FAM210A: variants seen among roughly 807,000 people sequenced by gnomAD.
FAM210A encodes the protein family with sequence similarity 210 member A.
FAM210A carries 13 observed loss-of-function variants against 25.3 expected under a neutral mutation model. The ratio of observed to expected loss-of-function variants is 0.51; its 90% CI spans 0.33 to 0.82. FAM210A has a LOEUF of 0.82. FAM210A is among the 40% of genes least tolerant of loss of function. The probability of loss-of-function intolerance (pLI) is 0.02; values close to 1 mark genes in which losing one functional copy is unlikely to be tolerated. For missense variants in FAM210A, 319 were observed against 323.2 expected (o/e 0.99, Z 0.10); for synonymous variants, 125 against 118.7 (o/e 1.05, Z -0.35).
intron 2 of FAM210A, 122 bp from the exon 3 acceptor site, chr18:13,672,095 A>G (rs893836159): frequency 9.5e-6 from 6 of 628,688 alleles, no homozygotes; most frequent in African/African-American, 9.2e-5. Flanking sequence ...TTGATTCTAC[A>G]TTATCAAGCA....
intron 1 of FAM210A, among the ~76,000 whole-genome samples, chr18:13,698,604 G>A (rs1311342232): frequency 2.0e-5 from 3 of 151,920 alleles, no homozygotes; most frequent in Non-Finnish European, 2.9e-5. Flanking sequence ...GAAACATTCC[G>A]CAGGGGTTCA....
At chr18:13,693,695 C>T (rs915469852) in intron 1 of FAM210A, among the ~76,000 whole-genome samples, 1 of 152,174 alleles carries the variant, frequency 6.6e-6, no homozygotes, top group African/African-American at 2.4e-5. Flanking sequence ...AATTCAACAG[C>T]CCTTCATGCT....
chr18:13,679,819 A>G (rs1016234706), intron 2 of FAM210A, among the ~76,000 whole-genome samples: 15 of 152,214 alleles, frequency 9.9e-5, no homozygotes, highest in African/African-American at 3.6e-4. Flanking sequence ...GGGATGACAG[A>G]GCATCACCCA....
intron 1 of FAM210A, among the ~76,000 whole-genome samples, chr18:13,714,312 G>A (rs1167034669): frequency 6.6e-6 from 1 of 152,168 alleles, no homozygotes; most frequent in Non-Finnish European, 1.5e-5. Context: ...GTCAGTTGAA[G>A]GCTGCAGGAT....
chr18:13,721,475 C>T (rs1406821105), intron 1 of FAM210A, among the ~76,000 whole-genome samples: 1 of 152,164 alleles, frequency 6.6e-6, no homozygotes, highest in African/African-American at 2.4e-5. Flanking sequence ...CAGGAATCAT[C>T]ACCCCTGCAT....
intron 1 of FAM210A, among the ~76,000 whole-genome samples, chr18:13,724,998 T>A (rs534734944): frequency 4.5e-4 from 69 of 152,282 alleles, no homozygotes; most frequent in Non-Finnish European, 8.5e-4. Context: ...GGTCTCAAAC[T>A]CCTGACCTCG....
chr18:13,701,106 T>C (rs546606670), intron 1 of FAM210A, among the ~76,000 whole-genome samples: 62 of 152,294 alleles, frequency 4.1e-4, no homozygotes, highest in Non-Finnish European at 6.3e-4. Flanking sequence ...GTGTCAGAAG[T>C]GGGATCTGAA....
intron 1 of FAM210A, among the ~76,000 whole-genome samples, chr18:13,708,264 T>C (rs2043795291): frequency 6.6e-6 from 1 of 152,334 alleles, no homozygotes; most frequent in African/African-American, 2.4e-5. Context: ...ATGGAAGAGA[T>C]GCAGAGGGTA....
intron 1 of FAM210A, among the ~76,000 whole-genome samples, chr18:13,692,624 G>A (rs984614940): frequency 1.5e-4 from 23 of 152,176 alleles, no homozygotes; most frequent in African/African-American, 5.1e-4. Flanking sequence ...TCAACTACAC[G>A]GACAACTTGC....
chr18:13,715,935 G>A (rs1439256351), intron 1 of FAM210A, among the ~76,000 whole-genome samples: 3 of 152,178 alleles, frequency 2.0e-5, no homozygotes, highest in East Asian at 3.8e-4. Context: ...ACAATTTAGA[G>A]CAGCTCTGTT....
chr18:13,695,605 A>T (rs3016951), intron 1 of FAM210A, among the ~76,000 whole-genome samples: 9,120 of 152,022 alleles, frequency 0.06, 921 homozygotes, highest in African/African-American at 0.21. Flanking sequence ...TGAGTAAACT[A>T]TTGCAAGGAC....
chr18:13,672,110 A>AC (rs1338603259), intron 2 of FAM210A, 137 bp from the exon 3 acceptor site: 2 of 577,816 alleles, frequency 3.5e-6, no homozygotes, highest in African/African-American at 3.8e-5. Context: ...CAAGCACTTT[A>AC]CCTTCACTCT....
chr18:13,674,182 GCTT>G (rs1412487131), intron 2 of FAM210A, among the ~76,000 whole-genome samples: 1 of 133,826 alleles, frequency 7.5e-6, no homozygotes, highest in African/African-American at 2.9e-5. Context: ...CTGAGCCCTG[GCTT>G]CTTTATTTCC....
intron 1 of FAM210A, among the ~76,000 whole-genome samples, chr18:13,687,015 A>C (rs1028673053): frequency 7.9e-5 from 12 of 152,226 alleles, no homozygotes; most frequent in Non-Finnish European, 1.3e-4. Flanking sequence ...ATCCTCAACA[A>C]AATATTAGCA....
At chr18:13,673,503 A>C (rs12959557) in intron 2 of FAM210A, among the ~76,000 whole-genome samples, 1 of 132,012 alleles carries the variant, frequency 7.6e-6, no homozygotes, top group African/African-American at 2.9e-5. Flanking sequence ...TAACATTCCT[A>C]AGCCCCGGCT....
intron 1 of FAM210A, among the ~76,000 whole-genome samples, chr18:13,696,380 T>TA (rs368398219): frequency 6.6e-6 from 1 of 152,104 alleles, no homozygotes; most frequent in Non-Finnish European, 1.5e-5. Context: ...TGGACTTCAC[T>TA]AAAAAAACAT....
chr18:13,676,938 G>A lies in FAM210A; in HGVS notation c.473+4667C>T, dbSNP rs796819505. ...AGCCAGTCTGTCCATCCTTAGTGCA[G>A]CAGGACGAGCTGCAGACAAAACCCC... On this transcript the variant is annotated intron_variant, in intron 2 of 3. Transcript: ENST00000651643. Among the ~76,000 whole-genome samples, 102 of 152,274 alleles carry A rather than the reference G, an allele frequency of 6.7e-4. 1 individual carries two copies. Among genetic ancestry groups the A allele is most frequent in the African/African-American group, 2.3e-3 (97 of 41,546 alleles).
chr18:13,672,644 A>G (rs2043453254), intron 2 of FAM210A, among the ~76,000 whole-genome samples: 1 of 152,162 alleles, frequency 6.6e-6, no homozygotes, highest in African/African-American at 2.4e-5. Context: ...TCCTGACCTC[A>G]TGATCTGCCC....
chr18:13,709,769 G>C (rs1179651472), intron 1 of FAM210A, among the ~76,000 whole-genome samples: 1 of 152,076 alleles, frequency 6.6e-6, no homozygotes, highest in Non-Finnish European at 1.5e-5. Flanking sequence ...GTTTGTTGAG[G>C]GAATAAATAA....
Sources: allele counts gnomAD v4.1 joint callset (sites outside exome capture counted in the v4.1 genomes callset), GRCh38; gene constraint gnomAD v4.1.1; transcripts MANE v1.5; gene names NCBI Gene and HGNC (gene_info 2026-07-23, HGNC 2026-07-21).